Variants in SLC35F3 observed in about 807,000 individuals in gnomAD.
The protein encoded by SLC35F3 is putative thiamine transporter SLC35F3.
In SLC35F3, 25 loss-of-function variants were observed where a neutral mutation model predicts 49.9. The ratio of observed to expected loss-of-function variants is 0.50; its 90% CI spans 0.37 to 0.70. The LOEUF is 0.70. Ranked by LOEUF, SLC35F3 falls within the 30% of genes least tolerant of loss-of-function variation. The pLI is 0.00. For synonymous variants in SLC35F3, 275 were observed against 265.4 expected (o/e 1.04, Z -0.35); for missense variants, 525 against 639.8 (o/e 0.82, Z 1.94).
chr1:234,129,076 T>C (rs969064332), intron 2 of SLC35F3, among the ~76,000 whole-genome samples: 2 of 152,210 alleles, frequency 1.3e-5, no homozygotes, highest in African/African-American at 4.8e-5. Context: ...TTGGTTTGCA[T>C]TGATGTTTAT....
chr1:234,249,058 C>T (rs527314956), intron 3 of SLC35F3, among the ~76,000 whole-genome samples: 2 of 152,226 alleles, frequency 1.3e-5, no homozygotes, highest in South Asian at 2.1e-4. Context: ...CACTGGCCAG[C>T]GAGTAAGTCA....
chr1:234,043,265 T>C (rs1664247633), intron 2 of SLC35F3, among the ~76,000 whole-genome samples: 2 of 152,196 alleles, frequency 1.3e-5, no homozygotes, highest in African/African-American at 4.8e-5. Context: ...TCAGAATCCC[T>C]TCACATTCTT....
chr1:234,284,890 CA>C (rs1327658683), intron 3 of SLC35F3: 1 of 155,404 alleles, frequency 6.4e-6, no homozygotes, highest in Non-Finnish European at 1.4e-5. Context: ...GATCCCAGGT[CA>C]GGTACTAGAA....
intron 2 of SLC35F3, among the ~76,000 whole-genome samples, chr1:233,993,610 A>G (rs967971724): frequency 4.6e-5 from 7 of 152,198 alleles, no homozygotes; most frequent in Admixed American, 6.5e-5. Context: ...CAGCTGAGGA[A>G]GCAGAGATCC....
chr1:233,991,929 T>A (rs1663361313), intron 2 of SLC35F3, among the ~76,000 whole-genome samples: 1 of 152,166 alleles, frequency 6.6e-6, no homozygotes. Context: ...AGCCTGTGAA[T>A]TTTCCTAACA....
intron 2 of SLC35F3, among the ~76,000 whole-genome samples, chr1:233,966,640 AT>A (rs1488776576): frequency 2.6e-5 from 4 of 152,210 alleles, no homozygotes; most frequent in Non-Finnish European, 5.9e-5. Flanking sequence ...TATTAAAAAA[AT>A]AATAACATTA....
chr1:233,907,975 C>T (rs1310442155), intron 2 of SLC35F3, among the ~76,000 whole-genome samples: 1 of 152,202 alleles, frequency 6.6e-6, no homozygotes, highest in Non-Finnish European at 1.5e-5. Flanking sequence ...ATCCACCCAC[C>T]TTGGCCTCCC....
At chr1:234,139,764 A>G (rs1261170567) in intron 2 of SLC35F3, among the ~76,000 whole-genome samples, 1 of 151,772 alleles carries the variant, frequency 6.6e-6, no homozygotes, top group Non-Finnish European at 1.5e-5. Context: ...CCTGGCCAAC[A>G]TGGTGAAACC....
At chr1:234,209,717 T>C (rs985606246) in intron 2 of SLC35F3, among the ~76,000 whole-genome samples, 14 of 151,934 alleles carry the variant, frequency 9.2e-5, no homozygotes, top group Non-Finnish European at 1.6e-4. Context: ...CATGGAGTGC[T>C]TAAAATTAAA....
At chr1:233,985,444 A>C (rs183489737) in intron 2 of SLC35F3, among the ~76,000 whole-genome samples, 162 of 152,336 alleles carry the variant, frequency 1.1e-3, no homozygotes, top group African/African-American at 3.6e-3. Context: ...GAATCTATCA[A>C]CTGTTTCCAA....
intron 2 of SLC35F3, among the ~76,000 whole-genome samples, chr1:234,162,703 A>G (rs1164613314): frequency 6.6e-6 from 1 of 152,208 alleles, no homozygotes; most frequent in Non-Finnish European, 1.5e-5. Flanking sequence ...AAGGCCTTAG[A>G]AAAAGGAACC....
chr1:234,140,001 A>AAATAAAATAAAAAT (rs1489476462), intron 2 of SLC35F3, among the ~76,000 whole-genome samples: 1 of 142,218 alleles, frequency 7.0e-6, no homozygotes, highest in African/African-American at 2.5e-5. Context: ...AAATAAAATA[A>AAATAAAATAAAAAT]AGTAAGTGAC....
chr1:234,076,303 A>G (rs191085746), intron 2 of SLC35F3, among the ~76,000 whole-genome samples: 77 of 145,838 alleles, frequency 5.3e-4, no homozygotes, highest in South Asian at 1.6e-3. Context: ...ATATTTTAAA[A>G]GAAAAAGGTA....
chr1:234,093,214 C>G (rs780688032), intron 2 of SLC35F3, among the ~76,000 whole-genome samples: 5 of 152,210 alleles, frequency 3.3e-5, no homozygotes, highest in Non-Finnish European at 5.9e-5. Flanking sequence ...TCACAGCATG[C>G]CTCCCAACAT....
At chr1:234,036,123 T>A (rs1440851359) in intron 2 of SLC35F3, among the ~76,000 whole-genome samples, 2 of 152,130 alleles carry the variant, frequency 1.3e-5, no homozygotes, top group Non-Finnish European at 2.9e-5. Flanking sequence ...GTCACCCAGG[T>A]TGGAGTGCAG....
chr1:234,208,484 C>A (rs1667006979), intron 2 of SLC35F3, among the ~76,000 whole-genome samples: 1 of 152,190 alleles, frequency 6.6e-6, no homozygotes, highest in Non-Finnish European at 1.5e-5. Context: ...TCCTGATGAT[C>A]AGCCCAGGCC....
At chr1:234,051,916 G>A (rs951307594) in intron 2 of SLC35F3, among the ~76,000 whole-genome samples, 2 of 152,098 alleles carry the variant, frequency 1.3e-5, no homozygotes, top group Admixed American at 6.5e-5. Flanking sequence ...TTTTGTCTTT[G>A]GTTCCGTTTA....
At chr1:234,169,019 A>G (rs986623614) in intron 2 of SLC35F3, among the ~76,000 whole-genome samples, 6 of 152,226 alleles carry the variant, frequency 3.9e-5, no homozygotes, top group Admixed American at 2.6e-4. Context: ...GACCAAGTAT[A>G]AAGGCCTGAG....
chr1:234,270,828 AAGGT>A, intron 3 of SLC35F3, among the ~76,000 whole-genome samples: 1 of 152,222 alleles, frequency 6.6e-6, no homozygotes, highest in Non-Finnish European at 1.5e-5. Context: ...AGGGCTTGTC[AAGGT>A]GGGAGGCAGG....
Sources: gnomAD v4.1 joint callset for allele counts (sites outside exome capture counted in the v4.1 genomes callset) on GRCh38, gnomAD v4.1.1 for gene constraint, MANE v1.5 for transcripts, NCBI Gene and HGNC (gene_info 2026-07-23, HGNC 2026-07-21) for gene names.